The following FRYL variants were observed in gnomAD, a reference collection of about 807,000 sequenced individuals.
FRYL encodes the protein protein furry homolog-like.
FRYL carries 150 observed loss-of-function variants against 351.2 expected under a neutral mutation model. The observed-to-expected ratio is 0.43, with a 90% CI of 0.37 to 0.49. The LOEUF is 0.49. Ranked by LOEUF, FRYL falls within the 20% of genes least tolerant of loss-of-function variation. FRYL has a pLI of 0.00. For missense variants in FRYL, 3,036 were observed against 3,619.3 expected (o/e 0.84, Z 4.13); for synonymous variants, 1,153 against 1,257.1 (o/e 0.92, Z 1.75).
intron 3 of FRYL, among the ~76,000 whole-genome samples, chr4:48,647,439 A>G (rs1407129033): frequency 6.6e-6 from 1 of 152,218 alleles, no homozygotes; most frequent in Non-Finnish European, 1.5e-5. Context: ...TCAGTCACCT[A>G]TGAATATTTT....
chr4:48,570,011 G>T (rs1265216055), intron 27 of FRYL, among the ~76,000 whole-genome samples: 1 of 151,976 alleles, frequency 6.6e-6, no homozygotes, highest in East Asian at 1.9e-4. Context: ...ATGGGATTTT[G>T]CTATGTTGCC....
Position 48,595,814 on chromosome 4 carries a change from T to C in FRYL, c.1139+83A>G, listed in dbSNP as rs1744473793. On this transcript the variant is annotated intron_variant, in intron 14 of 63. Coordinates refer to ENST00000358350, the MANE Select transcript of FRYL (RefSeq NM_015030.2). ...GAATTCATATTCCACCCACAAAGTA[T>C]AATGTTTACTAAAATTCCCAATAGT... The C allele has an allele frequency of 2.7e-6, 3 of 1,118,988 alleles. No homozygotes were observed. The African/African-American group carries it at 4.8e-5, about 18-fold the overall frequency. The allele number at this position is 1,118,988 out of a possible 1,614,324, so 69.3% of individuals were successfully genotyped here.
At chr4:48,677,145 C>A (rs1474018326) in intron 3 of FRYL, among the ~76,000 whole-genome samples, 1 of 152,046 alleles carries the variant, frequency 6.6e-6, no homozygotes, top group South Asian at 2.1e-4. Flanking sequence ...AAATATTAGG[C>A]TACTTAACAT....
intron 7 of FRYL, among the ~76,000 whole-genome samples, chr4:48,616,473 C>T (rs917386658): frequency 6.6e-6 from 1 of 152,048 alleles, no homozygotes; most frequent in Admixed American, 6.5e-5. Flanking sequence ...AATGATATCA[C>T]ACATTTTTAT....
intron 47 of FRYL, among the ~76,000 whole-genome samples, chr4:48,538,785 C>T (rs1729467206): frequency 6.6e-6 from 1 of 152,064 alleles, no homozygotes; most frequent in African/African-American, 2.4e-5. Context: ...TCACCTCCCC[C>T]AGTTCACCAA....
chr4:48,522,784 T>C (rs1173458297), intron 54 of FRYL, 117 bp downstream of exon 54: 6 of 819,218 alleles, frequency 7.3e-6, no homozygotes, highest in African/African-American at 5.0e-5. Flanking sequence ...TGTTGCAATC[T>C]TGTAGATTCA....
intron 33 of FRYL, 22 bp downstream of exon 33, chr4:48,561,446 C>T (rs769367331): frequency 6.8e-7 from 1 of 1,480,796 alleles, no homozygotes; most frequent in South Asian, 1.5e-5. Flanking sequence ...ATAGAAACTA[C>T]TAACCAGTTC....
Position 48,505,559 on chromosome 4 carries a change from G to A in FRYL, c.8451C>T (p.Asn2817=). ...ACAAGAAACTTACTTGTGCATCTGT[G>A]TTTATCCTATACATGTCTTCTTTGG... is the stretch of plus-strand genomic sequence containing the variant. ...FGAKEDMYRI[N]TDAQQMEILA... The change falls in exon 60 of 64, where the codon AAC becomes AAT. Residue 2817 remains asparagine, a synonymous_variant. Transcript: ENST00000358350. 18 of 1,604,992 alleles carry A rather than the reference G, an allele frequency of 1.1e-5. No individual in the cohort carries two copies. Among genetic ancestry groups the A allele is most frequent in the Non-Finnish European group, 1.5e-5 (18 of 1,173,490 alleles).
intron 44 of FRYL, among the ~76,000 whole-genome samples, chr4:48,543,112 T>C (rs747209041): frequency 1.3e-5 from 2 of 152,210 alleles, no homozygotes; most frequent in Non-Finnish European, 2.9e-5. Flanking sequence ...CTCAGGACCT[T>C]TGCACCTGTT....
At chr4:48,561,662 T>TA in intron 32 of FRYL, 26 bp from the exon 33 acceptor site, 1 of 1,561,866 alleles carries the variant, frequency 6.4e-7, no homozygotes, top group Non-Finnish European at 8.7e-7. Context: ...TCCATCAACT[T>TA]AGGTTAAGAT....
intron 32 of FRYL, 91 bp downstream of exon 32, chr4:48,562,798 C>T (rs1472249097): frequency 1.6e-5 from 12 of 733,738 alleles, no homozygotes; most frequent in Non-Finnish European, 2.6e-5. Flanking sequence ...AAGCTAAATA[C>T]TATTATCAGT....
At chr4:48,542,446 T>G (rs1367783549) in intron 44 of FRYL, among the ~76,000 whole-genome samples, 1 of 152,242 alleles carries the variant, frequency 6.6e-6, no homozygotes, top group East Asian at 1.9e-4. Context: ...AGACGTAGTC[T>G]TGCTCTATTG....
intron 6 of FRYL, 71 bp from the exon 7 acceptor site, chr4:48,619,441 C>G (rs1010773377): frequency 1.3e-6 from 1 of 760,222 alleles, no homozygotes; most frequent in African/African-American, 1.8e-5. Flanking sequence ...GTTAGTAGCT[C>G]ATGTCGCTTA....
At chr4:48,550,804 T>C (rs1732548715) in intron 37 of FRYL, 100 bp from the exon 38 acceptor site, 4 of 903,482 alleles carry the variant, frequency 4.4e-6, no homozygotes, top group Non-Finnish European at 7.2e-6. Context: ...ACGGACGCCA[T>C]GGTTCAAGCC....
At chr4:48,525,194 T>TAG (rs1491084568) in intron 53 of FRYL, among the ~76,000 whole-genome samples, 1 of 145,734 alleles carries the variant, frequency 6.9e-6, no homozygotes, top group African/African-American at 2.6e-5. Flanking sequence ...TATATATATA[T>TAG]ATACACACAC....
Position 48,580,955 on chromosome 4 carries a change from T to TA in FRYL, c.2173-5dup, listed in dbSNP as rs1367004258. 2 of 1,571,764 alleles carry TA rather than the reference T, an allele frequency of 1.3e-6. No individual in the cohort carries two copies. The highest frequency in any genetic ancestry group is 1.2e-5 in the South Asian group (1 of 84,714). On this transcript the variant is annotated splice_polypyrimidine_tract_variant and splice_region_variant and intron_variant, in intron 21 of 63. Coordinates refer to ENST00000358350, the MANE Select transcript of FRYL (RefSeq NM_015030.2). ...CTATGGCTAATTCATCATCACCCTG[T>TA]AAAAAAGACATCATATGTCTAAAAA...
At chr4:48,662,584 T>G (rs1406917890) in intron 3 of FRYL, among the ~76,000 whole-genome samples, 1 of 150,378 alleles carries the variant, frequency 6.6e-6, no homozygotes, top group Non-Finnish European at 1.5e-5. Flanking sequence ...CATGCTAAGG[T>G]GCACCATAAT....
At chr4:48,589,403 G>A (rs1742804477) in intron 18 of FRYL, among the ~76,000 whole-genome samples, 1 of 149,788 alleles carries the variant, frequency 6.7e-6, no homozygotes, top group Non-Finnish European at 1.5e-5. Flanking sequence ...TTTAAACTAG[G>A]GCTTTGGCAG....
intron 2 of FRYL, among the ~76,000 whole-genome samples, chr4:48,700,446 T>C (rs1560877619): frequency 6.6e-6 from 1 of 152,188 alleles, no homozygotes; most frequent in East Asian, 1.9e-4. Context: ...AAGCCTTTCA[T>C]AAACCTGTCA....
Sources: gnomAD v4.1 joint callset for allele counts (sites outside exome capture counted in the v4.1 genomes callset) on GRCh38, gnomAD v4.1.1 for gene constraint, MANE v1.5 for transcripts, NCBI Gene and HGNC (gene_info 2026-07-23, HGNC 2026-07-21) for gene names.